The following CHD4 variants were observed in gnomAD, a reference collection of about 807,000 sequenced individuals.
CHD4 encodes the protein ATP-dependent chromatin remodeler CHD4.
Under a neutral mutation model 235.5 loss-of-function variants are expected in CHD4, and 35 were observed. The observed-to-expected ratio is 0.15, with a 90% CI of 0.11 to 0.20. CHD4 has a LOEUF of 0.20. CHD4 is among the 10% of genes least tolerant of loss of function. The probability of loss-of-function intolerance (pLI) is 1.00; values close to 1 mark genes in which losing one functional copy is unlikely to be tolerated. For synonymous variants in CHD4, 900 were observed against 850.2 expected (o/e 1.06, Z -1.02); for missense variants, 1,329 against 2,432.3 (o/e 0.55, Z 9.54).
chr12:6,597,347 T>C (rs1948517893), intron 12 of CHD4, among the ~76,000 whole-genome samples: 1 of 152,118 alleles, frequency 6.6e-6, no homozygotes, highest in African/African-American at 2.4e-5. Flanking sequence ...ACGCCTGTAA[T>C]CCTAACACTT....
chr12:6,603,816 A>G (rs1948640840), intron 2 of CHD4, among the ~76,000 whole-genome samples: 1 of 152,170 alleles, frequency 6.6e-6, no homozygotes, highest in Non-Finnish European at 1.5e-5. Flanking sequence ...TGGTCAGCGC[A>G]TACAACCTTC....
chr12:6,598,466 T>C (rs903745561), intron 10 of CHD4, 41 bp from the exon 11 acceptor site: 3 of 1,502,640 alleles, frequency 2.0e-6, no homozygotes, highest in East Asian at 2.3e-5. Context: ...ATCATAACCA[T>C]GGGAGGAGAA....
At chr12:6,577,602 A>G (rs1948094024) in intron 37 of CHD4, 183 bp downstream of exon 37, 1 of 716,618 alleles carries the variant, frequency 1.4e-6, no homozygotes. Flanking sequence ...GCTCATGTAC[A>G]GTTAGTTAAC....
chr12:6,582,886 A>G lies in CHD4; in HGVS notation c.4198T>C (p.Leu1400=). The stretch of plus-strand genomic sequence containing the variant: ...CCAACACGGGCCAACAGAGGAGGCA[A>G]TGGCTTATCTTTATCATTCCGCAGG... ...KGLRNDKDKP[L]PPLLARVGGN... The change falls in exon 28 of 40, where the codon TTG becomes CTG. Residue 1400 remains leucine (L), a synonymous_variant. Transcript: ENST00000544040. 1.9e-6 allele frequency: 3 copies of G among 1,614,056 alleles called. No individual in the cohort carries two copies. The highest frequency in any genetic ancestry group is 2.5e-6 in the Non-Finnish European group (3 of 1,180,032).
chr12:6,601,699 T>A lies in CHD4; in HGVS notation c.506A>T (p.Glu169Val). ...GTTGGTGAGGGTTCGATAATCCTCCTCTGAGAACACGTGGTCAATGTCTTC... is the reference window on the plus strand; with the variant it reads ...GTTGGTGAGGGTTCGATAATCCTCCACTGAGAACACGTGGTCAATGTCTTC... ...GMEDIDHVFSEEDYRTLTNYK... is the reference protein window; with the variant it reads ...GMEDIDHVFSVEDYRTLTNYK... Residue 169 changes from glutamate to valine, a missense_variant, in exon 5 of 40, where the codon GAG (glutamate) becomes GTG (valine). Physicochemically the swap from Glu to Val is moderately radical, Grantham distance 121. This residue lies in a region of CHD4 where 39 missense variants were observed against 86.6 expected (regional missense o/e 0.45). Coordinates refer to ENST00000544040, the MANE Select transcript of CHD4 (RefSeq NM_001273.5). The A allele has an allele frequency of 6.2e-7, 1 of 1,614,214 alleles. No individual in the cohort carries two copies. Among genetic ancestry groups the A allele is most frequent in the Non-Finnish European group, 8.5e-7 (1 of 1,180,044 alleles).
intron 14 of CHD4, 57 bp downstream of exon 14, chr12:6,595,277 G>C: frequency 7.2e-7 from 1 of 1,385,958 alleles, no homozygotes; most frequent in Non-Finnish European, 1.0e-6. Context: ...TCATTAGACT[G>C]CAGCAAAGAT....
At position 6,599,859 on chromosome 12, in the gene CHD4, T is replaced by C; in HGVS notation, c.1396A>G (p.Thr466Ala). 1 of 1,614,134 alleles carries C rather than the reference T, an allele frequency of 6.2e-7. No individual in the cohort carries two copies. The highest frequency in any genetic ancestry group is 8.5e-7 in the Non-Finnish European group (1 of 1,180,030). Residue 466 changes from threonine to alanine, a missense_variant, in exon 10 of 40, where the codon ACC becomes GCC. Coordinates refer to ENST00000544040, the MANE Select transcript of CHD4 (RefSeq NM_001273.5). ...TGGATGTGGTAGGAAGAAGGACAGG[T>C]ATCACAGCAGAGCAGTTCCCCACCA... The part of the protein sequence containing the change: ...KDGGELLCCD[T>A]CPSSYHIHCL...
intron 25 of CHD4, chr12:6,584,710 TTCTA>T (rs1356356152): frequency 3.9e-5 from 6 of 152,200 alleles, no homozygotes; most frequent in African/African-American, 1.4e-4. Flanking sequence ...ACTATGTAAA[TTCTA>T]TCTATTAAAA....
chr12:6,606,579 G>A, intron 1 of CHD4, 128 bp from the exon 2 acceptor site: 1 of 485,842 alleles, frequency 2.1e-6, no homozygotes, highest in Non-Finnish European at 3.6e-6. Flanking sequence ...CGCTCAGGCT[G>A]AACTTAGTTC....
chr12:6,574,074 C>T (rs1305255175), intron 37 of CHD4, among the ~76,000 whole-genome samples: 2 of 152,072 alleles, frequency 1.3e-5, no homozygotes, highest in Non-Finnish European at 2.9e-5. Flanking sequence ...TTTATTTCCT[C>T]TTATCGCCAT....
At chr12:6,584,967 A>C (rs748763637) in intron 25 of CHD4, among the ~76,000 whole-genome samples, 1 of 152,168 alleles carries the variant, frequency 6.6e-6, no homozygotes, top group Non-Finnish European at 1.5e-5. Context: ...ACTTACATAT[A>C]AACTGAGGTT....
chr12:6,600,955 C>T lies in CHD4; in HGVS notation c.898G>A (p.Gly300Ser), dbSNP rs757195889. The change falls in exon 7 of 40, where the codon GGT becomes AGT. Residue 300 changes from glycine to serine, a missense_variant. This residue lies in a region of CHD4 where 160 missense variants were observed against 196.6 expected (regional missense o/e 0.81). Coordinates refer to ENST00000544040, the MANE Select transcript of CHD4 (RefSeq NM_001273.5). ...KVAPLKIKLG[G>S]FGSKRKRSSS... ...GATCTCTTACGCTTGGAACCAAAAC[C>T]TCCCAGCTTGATTTTCAGGGGAGCT... is the stretch of plus-strand genomic sequence containing the variant. The T allele has an allele frequency of 1.9e-6, 3 of 1,606,278 alleles. No individual in the cohort carries two copies. In the East Asian group the frequency reaches 6.7e-5, roughly 36 times the overall value.
At chr12:6,583,480 G>C (rs1201751890) in intron 25 of CHD4, 102 bp from the exon 26 acceptor site, 3 of 1,023,030 alleles carry the variant, frequency 2.9e-6, no homozygotes, top group African/African-American at 1.6e-5. Context: ...TTTCATGACT[G>C]GACTCTTAAA....
intron 10 of CHD4, 106 bp from the exon 11 acceptor site, chr12:6,598,531 C>T: frequency 1.0e-6 from 1 of 994,648 alleles, no homozygotes; most frequent in Non-Finnish European, 1.5e-6. Flanking sequence ...TCATTTCAGA[C>T]CTGGAGCAGT....
Position 6,607,283 on chromosome 12 carries a change from C to A in CHD4, c.-79+17G>T, listed in dbSNP as rs1428827616. ...GCCGTGAGGGGCGTCTCTTTGGGAA[C>A]CCCGCGCTCTCCTCACCCCGGAGCC... On this transcript the variant is annotated intron_variant, in intron 1 of 39. Coordinates refer to ENST00000544040, the MANE Select transcript of CHD4 (RefSeq NM_001273.5). The A allele has an allele frequency of 2.0e-5, 3 of 151,944 alleles. No individual in the cohort carries two copies. Among genetic ancestry groups the A allele is most frequent in the Non-Finnish European group, 4.4e-5 (3 of 67,946 alleles). 9.4% of individuals were successfully genotyped at this position (151,944 alleles called of 1,614,324 possible).
rs1260683825 is a variant in CHD4 at position 6,570,295 on chromosome 12, GAGAAA to G, written c.*376_*380del. The G allele has an allele frequency of 1.7e-5, 4 of 235,776 alleles. No homozygotes were observed. The highest frequency in any genetic ancestry group is 3.3e-5 in the Non-Finnish European group (4 of 120,680). 14.6% of individuals were successfully genotyped at this position (235,776 alleles called of 1,614,324 possible). A position where few individuals can be genotyped will look rare whatever the true frequency, so the allele number is the denominator to read the frequency against. ...CCCACTCTGAATACCCCCCAAAAAG[GAGAAA>G]AGAAAACACAAAATAAACCAACAAA... On this transcript the variant is annotated 3_prime_UTR_variant, in exon 40 of 40. Coordinates refer to ENST00000544040, the MANE Select transcript of CHD4 (RefSeq NM_001273.5).
Position 6,594,531 on chromosome 12 carries a change from G to A in CHD4, c.2241C>T (p.Thr747=). Residue 747 remains threonine (T), a synonymous_variant, in exon 15 of 40, where the codon ACC becomes ACT. Transcript: ENST00000544040. ...LRFSWAQGTD[T]ILADEMGLGK... The stretch of plus-strand genomic sequence containing the variant: ...CAAGGCCCATCTCATCAGCCAAGAT[G>A]GTGTCAGTGCCCTGAGCCCAGGAGA... 1 of 1,614,122 alleles carries A rather than the reference G, an allele frequency of 6.2e-7. No individual in the cohort carries two copies. The highest frequency in any genetic ancestry group is 8.5e-7 in the Non-Finnish European group (1 of 1,180,006).
intron 25 of CHD4, chr12:6,587,066 T>C: frequency 7.1e-6 from 2 of 280,502 alleles, no homozygotes; most frequent in Non-Finnish European, 1.3e-5. Context: ...TTCTGCCTTT[T>C]CTCTAGAGAG....
At position 6,593,833 on chromosome 12, in the gene CHD4, T is replaced by C. The variant is rs1948440734; in HGVS notation, c.2314-217A>G. Reference sequence around the variant, plus strand: ...TACAAGTCTTACCTCTCCCATTAAGTCTTTATATACTTTTTTTCTGAGACG... The same window carrying C: ...TACAAGTCTTACCTCTCCCATTAAGCCTTTATATACTTTTTTTCTGAGACG... On this transcript the variant is annotated intron_variant, in intron 15 of 39. Coordinates refer to ENST00000544040, the MANE Select transcript of CHD4 (RefSeq NM_001273.5). This position sits in a 1 kb window ranked among gnomAD's most constrained non-coding sequence, Gnocchi z 4.9. Among the ~76,000 whole-genome samples, 1 of 151,928 alleles carries C rather than the reference T, an allele frequency of 6.6e-6. No individual in the cohort carries two copies. Among genetic ancestry groups the C allele is most frequent in the Non-Finnish European group, 1.5e-5 (1 of 67,990 alleles).
Sources: gnomAD v4.1 joint callset for allele counts (sites outside exome capture counted in the v4.1 genomes callset) on GRCh38, gnomAD v4.1.1 for gene constraint, gnomAD v4.1.1 regional missense constraint, Gnocchi (gnomAD v3.1) non-coding constraint, MANE v1.5 for transcripts, NCBI Gene and HGNC (gene_info 2026-07-23, HGNC 2026-07-21) for gene names.